GRM7: variants seen among roughly 807,000 people sequenced by gnomAD.
GRM7 encodes the protein glutamate metabotropic receptor 7.
In GRM7, 35 loss-of-function variants were observed where a neutral mutation model predicts 84.5. The observed-to-expected ratio is 0.41, with a 90% CI of 0.32 to 0.55. The LOEUF (loss-of-function observed/expected upper bound fraction) is 0.55. GRM7 is among the 20% of genes least tolerant of loss of function. The pLI is 0.19. For synonymous variants in GRM7, 487 were observed against 455.1 expected (o/e 1.07, Z -0.89); for missense variants, 1,003 against 1,194.6 (o/e 0.84, Z 2.36).
At chr3:7,416,275 C>T (rs189192714) in intron 5 of GRM7, among the ~76,000 whole-genome samples, 5 of 152,162 alleles carry the variant, frequency 3.3e-5, no homozygotes, top group Admixed American at 1.3e-4. Flanking sequence ...GTTACACAAG[C>T]GGATGACATG....
Position 6,998,119 on chromosome 3 carries a change from CA to C in GRM7, c.519+136232del, listed in dbSNP as rs3063449. On this transcript the variant is annotated intron_variant, in intron 1 of 9. Coordinates refer to ENST00000357716, the MANE Select transcript of GRM7 (RefSeq NM_000844.4). Reference sequence around the variant, plus strand: ...GGGCAAAAACAGCAAATCTCCATCTCAAAAAAAAAAAAAAAAAAAAGCAGGT... The same window carrying C: ...GGGCAAAAACAGCAAATCTCCATCTCAAAAAAAAAAAAAAAAAAAGCAGGT... 3.8e-3 allele frequency among the ~76,000 whole-genome samples: 70 copies of C among 18,434 alleles called. 2 individuals carry two copies. Among genetic ancestry groups the C allele is most frequent in the African/African-American group, 0.012 (67 of 5,464 alleles). 12.1% of individuals were successfully genotyped at this position (18,434 alleles called of 152,430 possible).
At chr3:7,006,945 A>C (rs937065615) in intron 1 of GRM7, among the ~76,000 whole-genome samples, 1 of 152,364 alleles carries the variant, frequency 6.6e-6, no homozygotes, top group South Asian at 2.1e-4. Context: ...AACTTCAAAC[A>C]GTACAGAATA....
At chr3:7,575,779 C>T (rs1470947981) in intron 7 of GRM7, among the ~76,000 whole-genome samples, 2 of 151,938 alleles carry the variant, frequency 1.3e-5, no homozygotes, top group Admixed American at 6.6e-5. Flanking sequence ...CTGCTTTAAA[C>T]GAAAATTGAA....
chr3:7,553,696 A>C (rs564272621), intron 7 of GRM7, among the ~76,000 whole-genome samples: 1 of 152,250 alleles, frequency 6.6e-6, no homozygotes, highest in Admixed American at 6.5e-5. Context: ...ATCAGATCTC[A>C]TGAGAATGTA....
chr3:6,993,291 T>C (rs747501682), intron 1 of GRM7, among the ~76,000 whole-genome samples: 103 of 152,226 alleles, frequency 6.8e-4, no homozygotes, highest in Non-Finnish European at 1.3e-3. Context: ...CAATTCAAGA[T>C]GAGATTTGGG....
At chr3:7,508,152 T>A (rs1340507253) in intron 7 of GRM7, among the ~76,000 whole-genome samples, 1 of 152,178 alleles carries the variant, frequency 6.6e-6, no homozygotes, top group African/African-American at 2.4e-5. Flanking sequence ...ATTCTGTGAA[T>A]AGAGATGATG....
intron 1 of GRM7, among the ~76,000 whole-genome samples, chr3:7,028,497 C>A (rs1411431562): frequency 6.6e-6 from 1 of 152,148 alleles, no homozygotes; most frequent in Non-Finnish European, 1.5e-5. Flanking sequence ...GAAGTCTGAA[C>A]TCACTTCTAG....
chr3:7,133,162 G>A (rs943804100), intron 1 of GRM7, among the ~76,000 whole-genome samples: 1 of 152,158 alleles, frequency 6.6e-6, no homozygotes, highest in Admixed American at 6.5e-5. Context: ...AACACAAGGA[G>A]CTCTGATAAT....
intron 1 of GRM7, among the ~76,000 whole-genome samples, chr3:6,888,433 T>G (rs1695792556): frequency 6.6e-6 from 1 of 152,178 alleles, no homozygotes; most frequent in African/African-American, 2.4e-5. Context: ...GGGATCCAGT[T>G]TCAGCTTTCT....
intron 7 of GRM7, among the ~76,000 whole-genome samples, chr3:7,522,863 G>T (rs1428979563): frequency 6.6e-6 from 1 of 152,002 alleles, no homozygotes; most frequent in Non-Finnish European, 1.5e-5. Flanking sequence ...ATAAAGCTGT[G>T]CCCCTTATGA....
chr3:7,590,872 T>C lies in GRM7; in HGVS notation c.2451+11515T>C, dbSNP rs553193287. Among the ~76,000 whole-genome samples, 159 of 152,306 alleles carry C rather than the reference T, an allele frequency of 1.0e-3. 2 individuals are homozygous for C. The South Asian group carries it at 0.031, about 30-fold the overall frequency. On this transcript the variant is annotated intron_variant, in intron 8 of 9. Transcript: ENST00000357716. The stretch of plus-strand genomic sequence containing the variant: ...TATGTCACTTACTGGTTTGTTCACG[T>C]GTACCTGTATCTCCTCATTAAAATG...
intron 2 of GRM7, among the ~76,000 whole-genome samples, chr3:7,204,016 A>G (rs1014942575): frequency 2.0e-5 from 3 of 152,198 alleles, no homozygotes; most frequent in African/African-American, 7.2e-5. Flanking sequence ...TATAATATTT[A>G]TGATTGGAAA....
intron 2 of GRM7, among the ~76,000 whole-genome samples, chr3:7,147,692 T>C (rs1335264986): frequency 1.3e-5 from 2 of 152,194 alleles, no homozygotes; most frequent in African/African-American, 4.8e-5. Context: ...AGGACTTGTT[T>C]ATAAATCTCA....
intron 4 of GRM7, among the ~76,000 whole-genome samples, chr3:7,315,115 A>T (rs1700538305): frequency 6.6e-6 from 1 of 152,196 alleles, no homozygotes; most frequent in Admixed American, 6.5e-5. Context: ...CAACAACAAA[A>T]ACAAAACAAA....
intron 2 of GRM7, among the ~76,000 whole-genome samples, chr3:7,220,289 T>C (rs1312836508): frequency 6.6e-6 from 1 of 152,162 alleles, no homozygotes; most frequent in Non-Finnish European, 1.5e-5. Context: ...CTCAGTGAGG[T>C]GAATGAGGTT....
intron 7 of GRM7, among the ~76,000 whole-genome samples, chr3:7,577,354 C>T (rs1341041140): frequency 1.3e-5 from 2 of 152,210 alleles, no homozygotes; most frequent in African/African-American, 2.4e-5. Context: ...TGGTGATGCA[C>T]TCTCAATTTT....
intron 9 of GRM7, among the ~76,000 whole-genome samples, chr3:7,714,523 A>T (rs1217789591): frequency 6.6e-6 from 1 of 152,204 alleles, no homozygotes; most frequent in Non-Finnish European, 1.5e-5. Flanking sequence ...GCTTGTTAGA[A>T]ATGCATTCAC....
At chr3:7,017,427 C>T (rs1299996398) in intron 1 of GRM7, among the ~76,000 whole-genome samples, 1 of 152,128 alleles carries the variant, frequency 6.6e-6, no homozygotes, top group Non-Finnish European at 1.5e-5. Context: ...AAAATATCAA[C>T]AGGCCATGAG....
intron 2 of GRM7, among the ~76,000 whole-genome samples, chr3:7,203,839 A>T (rs927691022): frequency 3.9e-5 from 6 of 152,278 alleles, no homozygotes; most frequent in Non-Finnish European, 8.8e-5. Context: ...CTTTGTGTTT[A>T]TATTCTTATC....
Sources: gnomAD v4.1 joint callset for allele counts (sites outside exome capture counted in the v4.1 genomes callset) on GRCh38, gnomAD v4.1.1 for gene constraint, MANE v1.5 for transcripts, NCBI Gene and HGNC (gene_info 2026-07-23, HGNC 2026-07-21) for gene names.